Variants in RNF180 observed in about 807,000 individuals in gnomAD.
RNF180 encodes E3 ubiquitin-protein ligase RNF180.
A neutral mutation model predicts 59.2 loss-of-function variants in RNF180; 38 were observed. That is an observed-to-expected ratio of 0.64 (90% CI 0.50 to 0.84). The LOEUF (loss-of-function observed/expected upper bound fraction) is 0.84, where lower values mean the gene tolerates loss of function less well. RNF180 is among the 40% of genes least tolerant of loss of function. The probability of loss-of-function intolerance (pLI) is 0.00; values close to 1 mark genes in which losing one functional copy is unlikely to be tolerated. For synonymous variants in RNF180, 262 were observed against 240.3 expected, an observed-to-expected ratio of 1.09 and a Z score of -0.84; for missense variants, 705 against 700.9, an observed-to-expected ratio of 1.01 and a Z score of -0.07.
intron 4 of RNF180, among the ~76,000 whole-genome samples, chr5:64,215,593 ATATT>A (rs1333562385): frequency 6.6e-6 from 1 of 152,176 alleles, no homozygotes; most frequent in Non-Finnish European, 1.5e-5. Context: ...ATCAAAGTAT[ATATT>A]ACAGAATGTA....
intron 5 of RNF180, among the ~76,000 whole-genome samples, chr5:64,296,708 G>A (rs914570102): frequency 1.3e-5 from 2 of 151,930 alleles, no homozygotes; most frequent in African/African-American, 4.8e-5. Flanking sequence ...ATGTGCTGCT[G>A]CACAGGTAAT....
At chr5:64,341,456 G>T (rs1745351867) in intron 7 of RNF180, among the ~76,000 whole-genome samples, 1 of 152,112 alleles carries the variant, frequency 6.6e-6, no homozygotes, top group African/African-American at 2.4e-5. Context: ...TTAATTAAAA[G>T]AAAAGATTTC....
intron 7 of RNF180, among the ~76,000 whole-genome samples, chr5:64,368,350 G>A (rs1196318494): frequency 2.0e-5 from 3 of 151,686 alleles, no homozygotes; most frequent in Non-Finnish European, 2.9e-5. Context: ...AATAAAACAT[G>A]ATAAATTTAG....
chr5:64,167,120 C>T (rs1749687361), intron 1 of RNF180, among the ~76,000 whole-genome samples: 1 of 152,198 alleles, frequency 6.6e-6, no homozygotes. Flanking sequence ...TGTAGTGCCA[C>T]TGGCAGCCCA....
At position 64,200,905 on chromosome 5, in the gene RNF180, G is replaced by T. The variant is rs1355783817; in HGVS notation, c.98G>T (p.Gly33Val). ...WKCRKCIASS[G>V]CFMEYLENQV... The stretch of plus-strand genomic sequence containing the variant: ...TGTAGAAAATGTATAGCAAGCTCTG[G>T]TTGTTTTATGGAGTATCTTGAGAAT... Residue 33 changes from glycine (G) to valine (V), a missense_variant, in exon 2 of 8, where the codon GGT becomes GTT. Physicochemically the swap from Gly to Val is moderately radical, Grantham distance 109. Coordinates refer to ENST00000389100, the MANE Select transcript of RNF180 (RefSeq NM_001113561.2). 3 of 1,613,732 alleles carry T rather than the reference G, an allele frequency of 1.9e-6. No homozygotes were observed. The highest frequency in any genetic ancestry group is 4.5e-5 in the East Asian group (2 of 44,842).
In RNF180 at chr5:64,343,078, A is replaced by G. The variant is rs559397041; in HGVS notation, c.1579+12672A>G. Among the ~76,000 whole-genome samples, 7 of 152,264 alleles carry G rather than the reference A, an allele frequency of 4.6e-5. No homozygotes were observed. The South Asian group carries it at 6.2e-4, about 14-fold the overall frequency. ...CAACTTCAGTCTCCATGGATCTTTC[A>G]TACAATAAAAAATTATGATATATGC... is the stretch of plus-strand genomic sequence containing the variant. On this transcript the variant is annotated intron_variant, in intron 7 of 7. Transcript: ENST00000389100.
intron 5 of RNF180, among the ~76,000 whole-genome samples, chr5:64,294,649 A>G (rs924243043): frequency 1.3e-5 from 2 of 152,210 alleles, no homozygotes; most frequent in African/African-American, 4.8e-5. Context: ...CCCTCTTCCC[A>G]CAGAATATAT....
chr5:64,342,786 A>G (rs1173476003), intron 7 of RNF180, among the ~76,000 whole-genome samples: 1 of 152,154 alleles, frequency 6.6e-6, no homozygotes, highest in Non-Finnish European at 1.5e-5. Context: ...GACCTGAAAA[A>G]CAACACACTA....
chr5:64,260,287 T>C (rs1318823398), intron 5 of RNF180, among the ~76,000 whole-genome samples: 1 of 152,198 alleles, frequency 6.6e-6, no homozygotes, highest in African/African-American at 2.4e-5. Context: ...CTACACAATA[T>C]TTTATTTTAC....
intron 5 of RNF180, among the ~76,000 whole-genome samples, chr5:64,218,959 A>T (rs1299271300): frequency 5.9e-5 from 9 of 152,094 alleles, no homozygotes; most frequent in Non-Finnish European, 1.2e-4. Flanking sequence ...TATTCCTATT[A>T]TTTTTAATGC....
At position 64,214,071 on chromosome 5, in the gene RNF180, C is replaced by T. The variant is rs147584975; in HGVS notation, c.745C>T (p.His249Tyr). 2.2e-4 allele frequency: 359 copies of T among 1,613,810 alleles called. 1 individual carries two copies. The African/African-American group carries it at 4.5e-3, about 20-fold the overall frequency. Reference protein sequence around the residue: ...LTLLPTLYEIHSKTTAYSRLN... With the variant: ...LTLLPTLYEIYSKTTAYSRLN... ...TTTATTACCCACTTTATATGAAATA[C>T]ATAGTAAGACTACTGCCTATTCCAG... Residue 249 changes from histidine to tyrosine, a missense_variant, in exon 4 of 8, where the codon CAT becomes TAT. His to Tyr is a moderately conservative substitution (Grantham distance 83). Transcript: ENST00000389100.
intron 5 of RNF180, among the ~76,000 whole-genome samples, chr5:64,246,462 A>G (rs574038016): frequency 6.6e-6 from 1 of 152,334 alleles, no homozygotes; most frequent in African/African-American, 2.4e-5. Context: ...ACAAACTACT[A>G]TCAGAGAATA....
intron 1 of RNF180, among the ~76,000 whole-genome samples, chr5:64,184,041 A>G (rs1049144494): frequency 1.4e-4 from 21 of 152,184 alleles, no homozygotes; most frequent in Non-Finnish European, 2.4e-4. Context: ...TGGTATCCTT[A>G]TACATAGAAC....
intron 5 of RNF180, among the ~76,000 whole-genome samples, chr5:64,228,966 G>C (rs1348219190): frequency 1.5e-5 from 2 of 136,450 alleles, no homozygotes; most frequent in Non-Finnish European, 3.0e-5. Flanking sequence ...CTGTCACCCA[G>C]GTTGGAGTGC....
At chr5:64,274,668 C>T (rs1442368996) in intron 5 of RNF180, among the ~76,000 whole-genome samples, 3 of 152,014 alleles carry the variant, frequency 2.0e-5, no homozygotes, top group African/African-American at 7.2e-5. Context: ...CTCACAGCCA[C>T]AAATCGTGCA....
chr5:64,209,765 A>G (rs1198964090), intron 2 of RNF180, among the ~76,000 whole-genome samples: 1 of 152,084 alleles, frequency 6.6e-6, no homozygotes, highest in East Asian at 1.9e-4. Flanking sequence ...TCTCTGTAAG[A>G]TTGTTTTAAA....
At chr5:64,354,702 A>G (rs1441905442) in intron 7 of RNF180, among the ~76,000 whole-genome samples, 3 of 151,914 alleles carry the variant, frequency 2.0e-5, no homozygotes, top group Non-Finnish European at 4.4e-5. Context: ...GCAAAATACT[A>G]ACAGATTCTA....
At chr5:64,172,428 A>G (rs185337261) in intron 1 of RNF180, among the ~76,000 whole-genome samples, 14 of 151,860 alleles carry the variant, frequency 9.2e-5, no homozygotes, top group African/African-American at 2.4e-4. Context: ...AGTGAGTTCA[A>G]TAAGTTGGGA....
intron 5 of RNF180, among the ~76,000 whole-genome samples, chr5:64,275,643 C>G (rs62369364): frequency 5.6e-4 from 85 of 151,502 alleles, no homozygotes; most frequent in African/African-American, 2.0e-3. Flanking sequence ...GAAACTAAGT[C>G]TTAATAAATA....
Sources: allele counts gnomAD v4.1 joint callset (sites outside exome capture counted in the v4.1 genomes callset), GRCh38; gene constraint gnomAD v4.1.1; transcripts MANE v1.5; gene names NCBI Gene and HGNC (gene_info 2026-07-23, HGNC 2026-07-21).